LARGE2: variants seen among roughly 807,000 people sequenced by gnomAD.
LARGE2 encodes LARGE xylosyl- and glucuronyltransferase 2.
LARGE2 carries 63 observed loss-of-function variants against 75.3 expected under a neutral mutation model. The observed-to-expected ratio is 0.84, with a 90% CI of 0.68 to 1.03. The LOEUF is 1.03. LARGE2 is among the 50% of genes least tolerant of loss of function. The pLI is 0.00. For synonymous variants in LARGE2, 428 were observed against 420.1 expected (o/e 1.02, Z -0.23); for missense variants, 925 against 980.6 (o/e 0.94, Z 0.76).
chr11:45,923,568 G>A lies in LARGE2; in HGVS notation c.368+13G>A, dbSNP rs757385856. ...TGCTCTTCTACAGGTACAGCCAGGT[G>A]TCCGTGGAGGAGGGTCAGGAGTGGG... On this transcript the variant is annotated intron_variant, in intron 3 of 13. Coordinates refer to ENST00000401752, the MANE Select transcript of LARGE2 (RefSeq NM_001300721.2). 1.2e-6 allele frequency: 2 copies of A among 1,612,376 alleles called. No homozygotes were observed. The highest frequency in any genetic ancestry group is 1.7e-6 in the Non-Finnish European group (2 of 1,178,696).
chr11:45,928,801 T>C lies in LARGE2; in HGVS notation c.2122T>C (p.Tyr708His). ...CCACCATGGGGCTGCTGCCCTCAAA[T>C]ACCTCCCAGCCCTGCAGCAGCCCCA... ...SRHHGAAALKYLPALQQPQSP... is the reference protein window; with the variant it reads ...SRHHGAAALKHLPALQQPQSP... Residue 708 changes from tyrosine to histidine, a missense_variant, in exon 14 of 14, where the codon TAC becomes CAC. Physicochemically the swap from Tyr to His is moderately conservative, Grantham distance 83. Coordinates refer to ENST00000401752, the MANE Select transcript of LARGE2 (RefSeq NM_001300721.2). The C allele has an allele frequency of 6.2e-7, 1 of 1,613,618 alleles. No homozygotes were observed. Among genetic ancestry groups the C allele is most frequent in the Non-Finnish European group, 8.5e-7 (1 of 1,179,966 alleles).
At chr11:45,924,947 G>A (rs1251082771) in intron 6 of LARGE2, 58 bp downstream of exon 6, 4 of 1,040,100 alleles carry the variant, frequency 3.8e-6, no homozygotes, top group Admixed American at 3.1e-5. Flanking sequence ...TGGGCCCCTG[G>A]GGCTGGGTGG....
chr11:45,922,613 T>A (rs1305639715), upstream of LARGE2: 3 of 287,156 alleles, frequency 1.0e-5, no homozygotes, highest in East Asian at 6.0e-5. Flanking sequence ...TCAGCCCCGC[T>A]GAGGTGAAAC....
In LARGE2 at chr11:45,928,056, C is replaced by G; in HGVS notation, c.1741C>G (p.Leu581Val). ...ELLALLDAGTLYTFRYHEWPR... is the reference protein window; with the variant it reads ...ELLALLDAGTVYTFRYHEWPR... ...GTTGGCCTTGCTGGATGCGGGCACT[C>G]TCTACACCTTCAGGTAGGAGAGGCT... is the stretch of plus-strand genomic sequence containing the variant. Residue 581 changes from leucine to valine, a missense_variant, in exon 12 of 14, where the codon CTC becomes GTC. Coordinates refer to ENST00000401752, the MANE Select transcript of LARGE2 (RefSeq NM_001300721.2). 6.2e-7 allele frequency: 1 copy of G among 1,613,844 alleles called. No individual in the cohort carries two copies. The highest frequency in any genetic ancestry group is 1.1e-5 in the South Asian group (1 of 91,082).
rs2087210291 is a variant in LARGE2 at position 45,927,476 on chromosome 11, G to A, written c.1487G>A (p.Gly496Glu). 1 of 1,614,206 alleles carries A rather than the reference G, an allele frequency of 6.2e-7. No homozygotes were observed. The highest frequency in any genetic ancestry group is 8.5e-7 in the Non-Finnish European group (1 of 1,180,038). ...GCCTACCATGTGGTGTACCGTGAGG[G>A]GCCCCTATACCCCGTCAACCAGCTT... ...DVAYHVVYRE[G>E]PLYPVNQLRN... The change falls in exon 11 of 14, where the codon GGG becomes GAG. Residue 496 changes from glycine to glutamate, a missense_variant. Transcript: ENST00000401752.
rs142531520 is a variant in LARGE2 at position 45,927,357 on chromosome 11, C to T, written c.1368C>T (p.Pro456=). Residue 456 remains proline (P), a synonymous_variant, in exon 11 of 14, where the codon CCC becomes CCT. Transcript: ENST00000401752. ...LEALCRHWPG[P]MSLALYLTDA... is the part of the protein sequence containing the mutation. ...CCCTGTGCAGGCACTGGCCTGGCCC[C>T]ATGAGCCTGGCCTTGTACCTGACAG... 6.2e-7 allele frequency: 1 copy of T among 1,613,854 alleles called. No homozygotes were observed. Among genetic ancestry groups the T allele is most frequent in the African/African-American group, 1.3e-5 (1 of 75,058 alleles).
In LARGE2 at chr11:45,927,607, CAG is replaced by C; in HGVS notation, c.1604+19_1604+20del. The C allele has an allele frequency of 6.2e-7, 1 of 1,610,434 alleles. No homozygotes were observed. Among genetic ancestry groups the C allele is most frequent in the Non-Finnish European group, 8.5e-7 (1 of 1,179,000 alleles). On this transcript the variant is annotated intron_variant, in intron 11 of 13. Transcript: ENST00000401752. ...CGACTACCTCAGGTGGGCCTGCAGG[CAG>C]AGAGGGGAACAATATATGGGGTGGA...
chr11:45,923,180 G>A lies in LARGE2; in HGVS notation c.285+13G>A. 3 of 1,326,184 alleles carry A rather than the reference G, an allele frequency of 2.3e-6. No homozygotes were observed. The highest frequency in any genetic ancestry group is 2.1e-5 in the South Asian group (1 of 47,730). 82.2% of individuals were successfully genotyped at this position (1,326,184 alleles called of 1,614,324 possible). A position where few individuals can be genotyped will look rare whatever the true frequency, so the allele number is the denominator to read the frequency against. ...GCCCAAGTGCGAGGTAGGTGCGCGCGGCCCTGGCGGCGGGAGTCCTGGGGG... is the reference window on the plus strand; with the variant it reads ...GCCCAAGTGCGAGGTAGGTGCGCGCAGCCCTGGCGGCGGGAGTCCTGGGGG... On this transcript the variant is annotated intron_variant, in intron 2 of 13. Coordinates refer to ENST00000401752, the MANE Select transcript of LARGE2 (RefSeq NM_001300721.2).
rs1165566779 is a variant in LARGE2, at chr11:45,924,169, C to T, written c.384C>T (p.His128=). The stretch of plus-strand genomic sequence containing the variant: ...CACCCAAAAGGAAAAATCCACTGCA[C>T]CTCCACTTGGTGACTGACGCCGTGG... ...SMLFYRKNPL[H]LHLVTDAVAR... is the part of the protein sequence containing the mutation. The change falls in exon 4 of 14, where the codon CAC becomes CAT. Residue 128 remains histidine, a synonymous_variant. Transcript: ENST00000401752. 9.3e-6 allele frequency: 15 copies of T among 1,612,010 alleles called. No individual in the cohort carries two copies. Among genetic ancestry groups the T allele is most frequent in the East Asian group, 6.7e-5 (3 of 44,850 alleles).
rs1219666050 is a variant in LARGE2, at chr11:45,928,696, A to G, written c.2017A>G (p.Ile673Val). Reference sequence around the variant, plus strand: ...TCTGCCCCACGCTCCAAGCCTGGACATCTCCCGCTTCCGCTCCAGCCCCAC... The same window carrying G: ...TCTGCCCCACGCTCCAAGCCTGGACGTCTCCCGCTTCCGCTCCAGCCCCAC... ...IHLPHAPSLD[I>V]SRFRSSPTYR... The change falls in exon 14 of 14, where the codon ATC becomes GTC. Residue 673 changes from isoleucine (I) to valine (V), a missense_variant. Around this residue, in one of 3 missense-constraint regions of LARGE2, gnomAD observed 469 missense variants for 503.8 expected, o/e 0.93. Coordinates refer to ENST00000401752, the MANE Select transcript of LARGE2 (RefSeq NM_001300721.2). 1 of 1,614,048 alleles carries G rather than the reference A, an allele frequency of 6.2e-7. No individual in the cohort carries two copies. Among genetic ancestry groups the G allele is most frequent in the Non-Finnish European group, 8.5e-7 (1 of 1,179,998 alleles).
Position 45,926,701 on chromosome 11 carries a change from G to GC in LARGE2, c.1165-5dup, listed in dbSNP as rs2087167125. 2 of 1,609,752 alleles carry GC rather than the reference G, an allele frequency of 1.2e-6. No homozygotes were observed. The highest frequency in any genetic ancestry group is 1.3e-5 in the African/African-American group (1 of 74,876). ...CTATCCCCGGTCCTTGTCACCCCTT[G>GC]CCCCCTCAGTTGCAGCAGGCCCTGG... On this transcript the variant is annotated splice_polypyrimidine_tract_variant and intron_variant, in intron 9 of 13. Coordinates refer to ENST00000401752, the MANE Select transcript of LARGE2 (RefSeq NM_001300721.2).
chr11:45,924,353 A>T, intron 4 of LARGE2, 76 bp downstream of exon 4: 1 of 1,581,880 alleles, frequency 6.3e-7, no homozygotes, highest in Non-Finnish European at 8.6e-7. Flanking sequence ...GTGGGGTTGG[A>T]GAAGAGAATC....
upstream of LARGE2, among the ~76,000 whole-genome samples, chr11:45,921,975 G>C (rs2086936904): frequency 6.6e-6 from 1 of 152,118 alleles, no homozygotes; most frequent in Admixed American, 6.5e-5. Context: ...CGGGGGAGAG[G>C]GAGGAAAGAC....
Position 45,927,583 on chromosome 11 carries a change from G to C in LARGE2, c.1594G>C (p.Asp532His), listed in dbSNP as rs757524162. Residue 532 changes from aspartate (D) to histidine (H), a missense_variant, in exon 11 of 14, where the codon GAC becomes CAC. Asp to His is a moderately conservative substitution (Grantham distance 81). This residue lies in a region of LARGE2 where 469 missense variants were observed against 503.8 expected (regional missense o/e 0.93). Coordinates refer to ENST00000401752, the MANE Select transcript of LARGE2 (RefSeq NM_001300721.2). ...IDFLPAYSLY[D>H]YLRASIEQLG... ...CTTCCTGCCTGCCTATTCTCTCTAC[G>C]ACTACCTCAGGTGGGCCTGCAGGCA... 1.2e-6 allele frequency: 2 copies of C among 1,613,312 alleles called. No homozygotes were observed. The highest frequency in any genetic ancestry group is 2.2e-5 in the South Asian group (2 of 91,060).
At chr11:45,927,213 C>G in intron 10 of LARGE2, 102 bp from the exon 11 acceptor site, 1 of 1,320,730 alleles carries the variant, frequency 7.6e-7, no homozygotes. Flanking sequence ...CAGTAAGTCA[C>G]TTGAGGAGGT....
At position 45,926,806 on chromosome 11, in the gene LARGE2, G is replaced by T. The variant is rs142702567; in HGVS notation, c.1260G>T (p.Leu420=). 423 of 1,613,506 alleles carry T rather than the reference G, an allele frequency of 2.6e-4. No individual in the cohort carries two copies. The highest frequency in any genetic ancestry group is 3.3e-4 in the Non-Finnish European group (393 of 1,180,004). The change falls in exon 10 of 14, where the codon CTG becomes CTT. Residue 420 remains leucine (L), a synonymous_variant. Transcript: ENST00000401752. ...TGCACCGTGTGCATGTCACTTTCCTGCCCCATGAACCGCCACCCCCCCGGC... is the reference window on the plus strand; with the variant it reads ...TGCACCGTGTGCATGTCACTTTCCTTCCCCATGAACCGCCACCCCCCCGGC... The part of the protein sequence containing the change: ...LTVHRVHVTF[L]PHEPPPPRPH...
In LARGE2 at chr11:45,924,197, A is replaced by G; in HGVS notation, c.412A>G (p.Arg138Gly). The change falls in exon 4 of 14, where the codon AGA becomes GGA. Residue 138 changes from arginine to glycine, a missense_variant. Coordinates refer to ENST00000401752, the MANE Select transcript of LARGE2 (RefSeq NM_001300721.2). The stretch of plus-strand genomic sequence containing the variant: ...CCACTTGGTGACTGACGCCGTGGCC[A>G]GAAACATCCTGGAGACGCTCTTCCA... ...HLHLVTDAVA[R>G]NILETLFHTW... 6.2e-7 allele frequency: 1 copy of G among 1,613,006 alleles called. No homozygotes were observed. Among genetic ancestry groups the G allele is most frequent in the Non-Finnish European group, 8.5e-7 (1 of 1,179,916 alleles).
chr11:45,923,603 A>G, intron 3 of LARGE2, 48 bp downstream of exon 3: 4 of 1,531,006 alleles, frequency 2.6e-6, no homozygotes, highest in Non-Finnish European at 3.6e-6. Flanking sequence ...GGAAGGGACA[A>G]AGCCCGGGAC....
At chr11:45,925,549 G>A (rs1408935262) in intron 6 of LARGE2, among the ~76,000 whole-genome samples, 1 of 152,152 alleles carries the variant, frequency 6.6e-6, no homozygotes, top group Non-Finnish European at 1.5e-5. Flanking sequence ...CCAGCTACTT[G>A]GGAGGCTGAG....
Sources: gnomAD v4.1 joint callset for allele counts (sites outside exome capture counted in the v4.1 genomes callset) on GRCh38, gnomAD v4.1.1 for gene constraint, gnomAD v4.1.1 regional missense constraint, MANE v1.5 for transcripts, NCBI Gene and HGNC (gene_info 2026-07-23, HGNC 2026-07-21) for gene names.